C1orf105: variants seen among roughly 807,000 people sequenced by gnomAD.
The protein encoded by C1orf105 is uncharacterized protein C1orf105.
A neutral mutation model predicts 20.8 loss-of-function variants in C1orf105; 17 were observed. The observed-to-expected ratio is 0.82, with a 90% confidence interval of 0.56 to 1.23. The LOEUF (loss-of-function observed/expected upper bound fraction) is 1.23, where lower values mean the gene tolerates loss of function less well. Among genes scored for constraint, C1orf105 ranks in the 50% most tolerant of loss-of-function variants. The pLI is 0.00. For synonymous variants in C1orf105, 72 were observed against 72.1 expected, an observed-to-expected ratio of 1.00 and a Z score of 0.01; for missense variants, 219 against 213.5, an observed-to-expected ratio of 1.03 and a Z score of -0.16.
chr1:172,452,693 CAA>C lies in C1orf105; in HGVS notation c.199-3720_199-3719del, dbSNP rs1648786962. On this transcript the variant is annotated intron_variant, in intron 3 of 6. Coordinates refer to ENST00000367727, the MANE Select transcript of C1orf105 (RefSeq NM_139240.4). Reference sequence around the variant, plus strand: ...AGGGTATGAGGATGTTTCCAATTGTCAAATGTGTTTTTGGCTTCTGGGGACTG... The same window carrying C: ...AGGGTATGAGGATGTTTCCAATTGTCATGTGTTTTTGGCTTCTGGGGACTG... 5.2e-6 allele frequency: 4 copies of C among 772,790 alleles called. No homozygotes were observed. In the African/African-American group the frequency reaches 5.7e-5, roughly 11 times the overall value. 47.9% of individuals were successfully genotyped at this position (772,790 alleles called of 1,614,324 possible). A position where few individuals can be genotyped will look rare whatever the true frequency, so the allele number is the denominator to read the frequency against.
intron 3 of C1orf105, chr1:172,452,700 G>GT (rs1648788514): frequency 1.2e-6 from 1 of 826,930 alleles, no homozygotes; most frequent in African/African-American, 1.9e-5. Context: ...TGTCAAATGT[G>GT]TTTTTGGCTT....
At chr1:172,453,088 C>T (rs1422429022) in intron 3 of C1orf105, 20 of 1,550,652 alleles carry the variant, frequency 1.3e-5, no homozygotes, top group Non-Finnish European at 1.7e-5. Flanking sequence ...AGTAGCCTGT[C>T]ACAGCTGCCT....
intron 3 of C1orf105, among the ~76,000 whole-genome samples, chr1:172,453,627 T>C (rs376108447): frequency 1.3e-5 from 2 of 152,262 alleles, no homozygotes; most frequent in East Asian, 3.8e-4. Flanking sequence ...TGTGCCAGGT[T>C]CTATCATAGG....
In C1orf105 at chr1:172,442,125, A is replaced by G. The variant is rs138512059; in HGVS notation, c.22-2948A>G. 1,264 of 1,614,244 alleles carry G rather than the reference A, an allele frequency of 7.8e-4. 13 individuals are homozygous for G. In the African/African-American group the frequency reaches 0.014, roughly 18 times the overall value. ...TGGATACAATGGCAGCATTGGCACC[A>G]TAGTCAAAAAAGATGAGATGGCCTA... On this transcript the variant is annotated intron_variant, in intron 1 of 6. Coordinates refer to ENST00000367727, the MANE Select transcript of C1orf105 (RefSeq NM_139240.4).
intron 1 of C1orf105, chr1:172,441,769 T>A (rs1321529810): frequency 6.3e-7 from 1 of 1,576,462 alleles, no homozygotes; most frequent in Non-Finnish European, 8.6e-7. Flanking sequence ...GATTTCAGCT[T>A]CATCCCAAGG....
chr1:172,421,178 T>A (rs1265036396), intron 1 of C1orf105, among the ~76,000 whole-genome samples: 1 of 150,852 alleles, frequency 6.6e-6, no homozygotes, highest in Non-Finnish European at 1.5e-5. Context: ...TAACTCAGCA[T>A]TTAAGTATGA....
chr1:172,445,849 G>A (rs1330711461), intron 2 of C1orf105, among the ~76,000 whole-genome samples: 2 of 152,074 alleles, frequency 1.3e-5, no homozygotes, highest in Non-Finnish European at 2.9e-5. Flanking sequence ...AAAGAGAAAG[G>A]GCAGGCATAG....
At chr1:172,422,269 T>C (rs1298420649) in intron 1 of C1orf105, among the ~76,000 whole-genome samples, 1 of 152,182 alleles carries the variant, frequency 6.6e-6, no homozygotes, top group Non-Finnish European at 1.5e-5. Flanking sequence ...AAAAGGACTT[T>C]GTCTTGCAAC....
chr1:172,432,750 C>A (rs1298151338), intron 1 of C1orf105, among the ~76,000 whole-genome samples: 5 of 152,214 alleles, frequency 3.3e-5, no homozygotes, highest in African/African-American at 1.2e-4. Flanking sequence ...TGGAACAAAG[C>A]TGGACAGAGA....
At chr1:172,465,681 C>A (rs1649998397) in intron 6 of C1orf105, 1 of 494,176 alleles carries the variant, frequency 2.0e-6, no homozygotes, top group Admixed American at 2.3e-5. Context: ...CCCCTATTGG[C>A]AGTCCTGATG....
At chr1:172,463,940 G>A (rs1649868425) in intron 5 of C1orf105, among the ~76,000 whole-genome samples, 1 of 152,102 alleles carries the variant, frequency 6.6e-6, no homozygotes, top group Admixed American at 6.6e-5. Context: ...TAAAGCAAGG[G>A]CCTGGTTCTA....
At chr1:172,451,738 A>T (rs1047554072) in intron 3 of C1orf105, among the ~76,000 whole-genome samples, 2 of 152,008 alleles carry the variant, frequency 1.3e-5, no homozygotes, top group African/African-American at 4.8e-5. Flanking sequence ...ATTTTTTTAA[A>T]TGGCTGATAT....
chr1:172,439,446 TACC>T (rs1454908768), intron 1 of C1orf105, among the ~76,000 whole-genome samples: 1 of 152,168 alleles, frequency 6.6e-6, no homozygotes, highest in African/African-American at 2.4e-5. Flanking sequence ...TCCCCACAGC[TACC>T]ACTTTTCTGT....
chr1:172,457,468 T>A (rs558049182), intron 4 of C1orf105, among the ~76,000 whole-genome samples: 2 of 152,298 alleles, frequency 1.3e-5, no homozygotes, highest in Middle Eastern at 3.4e-3. Context: ...TTTTGTGAAA[T>A]TTTTATGTGG....
intron 1 of C1orf105, among the ~76,000 whole-genome samples, chr1:172,440,409 T>C (rs1221387103): frequency 6.6e-6 from 1 of 152,240 alleles, no homozygotes; most frequent in African/African-American, 2.4e-5. Context: ...GTGCTTCGTA[T>C]CAGGGATTCT....
intron 3 of C1orf105, among the ~76,000 whole-genome samples, chr1:172,453,942 C>A (rs985584410): frequency 2.0e-5 from 3 of 152,182 alleles, no homozygotes; most frequent in African/African-American, 7.2e-5. Context: ...TAAGAGATGA[C>A]AGTCATTATG....
At chr1:172,447,895 C>T (rs1266290564) in intron 2 of C1orf105, among the ~76,000 whole-genome samples, 3 of 152,180 alleles carry the variant, frequency 2.0e-5, no homozygotes, top group Non-Finnish European at 4.4e-5. Context: ...TGAGACAGAG[C>T]GCAGGCAGGT....
intron 1 of C1orf105, among the ~76,000 whole-genome samples, chr1:172,422,389 G>A (rs558531819): frequency 6.6e-6 from 1 of 152,300 alleles, no homozygotes; most frequent in African/African-American, 2.4e-5. Flanking sequence ...TGGGCCAAAA[G>A]GGAACTGCCT....
At chr1:172,420,946 TG>T (rs2071569287) in intron 1 of C1orf105, 40 bp downstream of exon 1, 1 of 1,566,184 alleles carries the variant, frequency 6.4e-7, no homozygotes, top group Non-Finnish European at 8.8e-7. Flanking sequence ...TCTTTCCTTA[TG>T]GGGTTACCCT....
Sources: allele counts gnomAD v4.1 joint callset (sites outside exome capture counted in the v4.1 genomes callset), GRCh38; gene constraint gnomAD v4.1.1; transcripts MANE v1.5; gene names NCBI Gene and HGNC (gene_info 2026-07-23, HGNC 2026-07-21).